The following HIVEP3 variants were observed in gnomAD, a reference collection of about 807,000 sequenced individuals.
HIVEP3 encodes transcription factor HIVEP3.
Under a neutral mutation model 152.8 loss-of-function variants are expected in HIVEP3, and 49 were observed. The observed-to-expected ratio is 0.32, with a 90% CI of 0.26 to 0.41. The LOEUF (loss-of-function observed/expected upper bound fraction) is 0.41. Ranked by LOEUF, HIVEP3 falls within the 10% of genes least tolerant of loss-of-function variation. HIVEP3 has a pLI of 1.00. For missense variants in HIVEP3, 2,790 were observed against 3,103.3 expected, an observed-to-expected ratio of 0.90 and a Z score of 2.40; for synonymous variants, 1,269 against 1,289.0, an observed-to-expected ratio of 0.98 and a Z score of 0.33.
intron 1 of HIVEP3, among the ~76,000 whole-genome samples, chr1:41,721,193 T>C (rs943861113): frequency 2.7e-5 from 4 of 150,332 alleles, no homozygotes; most frequent in African/African-American, 2.5e-5. Context: ...ATGTGAAACA[T>C]TCTTACTGCA....
At chr1:41,939,488 T>G (rs1645035500) in intron 1 of HIVEP3, among the ~76,000 whole-genome samples, 1 of 152,192 alleles carries the variant, frequency 6.6e-6, no homozygotes, top group African/African-American at 2.4e-5. Flanking sequence ...TTCTTTTTAT[T>G]TTTCCTTCTC....
At chr1:41,909,117 T>C (rs1010634017) in intron 1 of HIVEP3, among the ~76,000 whole-genome samples, 11 of 152,176 alleles carry the variant, frequency 7.2e-5, no homozygotes, top group African/African-American at 1.2e-4. Flanking sequence ...GACAGTTGAA[T>C]AATATCTTCA....
intron 1 of HIVEP3, among the ~76,000 whole-genome samples, chr1:41,732,355 T>C (rs1205115837): frequency 1.3e-5 from 2 of 151,940 alleles, no homozygotes; most frequent in African/African-American, 2.4e-5. Context: ...CGCTGGGAAA[T>C]GATGGAGCCA....
At chr1:41,722,429 C>CTTCCTTCCTTCCTTCCTTCCTTCA (rs1553253040) in intron 1 of HIVEP3, among the ~76,000 whole-genome samples, 1,604 of 147,300 alleles carry the variant, frequency 0.011, 18 homozygotes, top group Non-Finnish European at 0.014. Flanking sequence ...TCCTTCCTTC[C>CTTCCTTCCTTCCTTCCTTCCTTCA]TTCCTTCCTT....
In HIVEP3 at chr1:41,581,364, A is replaced by G. The variant is rs1445501509; in HGVS notation, c.3434T>C (p.Leu1145Pro). The G allele has an allele frequency of 6.2e-7, 1 of 1,613,130 alleles. No homozygotes were observed. Among genetic ancestry groups the G allele is most frequent in the Admixed American group, 1.7e-5 (1 of 59,866 alleles). The stretch of plus-strand genomic sequence containing the variant: ...CTGCACGAGATGCTGGAAGGAGAAA[A>G]GGGAGACTGGTGGGGGCAGGTATGG... Reference protein sequence around the residue: ...EKPYLPPPVSLFSFQHLVQHE... With the variant: ...EKPYLPPPVSPFSFQHLVQHE... The change falls in exon 4 of 9, where the codon CTT (leucine) becomes CCT (proline). Residue 1145 changes from leucine to proline, a missense_variant. This residue lies in a region of HIVEP3 where 1,078 missense variants were observed against 1,165.3 expected (regional missense o/e 0.93). Transcript: ENST00000372583. This position sits in a 1 kb window ranked among gnomAD's most constrained non-coding sequence, Gnocchi z 4.5.
At chr1:41,851,468 A>G (rs1267328641) in intron 1 of HIVEP3, among the ~76,000 whole-genome samples, 1 of 151,780 alleles carries the variant, frequency 6.6e-6, no homozygotes, top group Non-Finnish European at 1.5e-5. Context: ...ACACCTGGCT[A>G]ATTTTTGTAT....
chr1:41,642,117 C>T (rs1314411076), intron 2 of HIVEP3, among the ~76,000 whole-genome samples: 1 of 152,198 alleles, frequency 6.6e-6, no homozygotes, highest in African/African-American at 2.4e-5. Context: ...GACCCTACTG[C>T]CCATCCTCTC....
chr1:41,606,829 A>C (rs1644829130), intron 3 of HIVEP3, among the ~76,000 whole-genome samples: 1 of 150,174 alleles, frequency 6.7e-6, no homozygotes, highest in Non-Finnish European at 1.5e-5. Flanking sequence ...CTGGTGAGAA[A>C]TTCTGAGGTA....
intron 1 of HIVEP3, among the ~76,000 whole-genome samples, chr1:41,973,721 G>A (rs1165692567): frequency 6.6e-6 from 1 of 152,206 alleles, no homozygotes; most frequent in African/African-American, 2.4e-5. Flanking sequence ...AGGTCACTGG[G>A]GACCCAATGG....
chr1:41,736,295 C>T (rs1334830428), intron 1 of HIVEP3, among the ~76,000 whole-genome samples: 1 of 152,166 alleles, frequency 6.6e-6, no homozygotes, highest in Admixed American at 6.5e-5. Flanking sequence ...TCTCTCCCTC[C>T]TGCAGAGCCT....
chr1:41,804,392 C>T (rs546609491), intron 1 of HIVEP3, among the ~76,000 whole-genome samples: 1 of 152,346 alleles, frequency 6.6e-6, no homozygotes, highest in East Asian at 1.9e-4. Flanking sequence ...TGCAGGCACA[C>T]GGGCTTGTTT....
rs945418096 is a variant in HIVEP3, at chr1:41,918,198, G to T, written c.-801+215C>A. 2.4e-5 allele frequency among the ~76,000 whole-genome samples: 3 copies of T among 124,278 alleles called. No individual in the cohort carries two copies. Among genetic ancestry groups the T allele is most frequent in the Non-Finnish European group, 3.9e-5 (2 of 50,842 alleles). The allele number at this position is 124,278 out of a possible 152,430, so 81.5% of individuals were successfully genotyped here. A position where few individuals can be genotyped will look rare whatever the true frequency, so the allele number is the denominator to read the frequency against. On this transcript the variant is annotated intron_variant, in intron 1 of 8. Transcript: ENST00000372583. This position sits in a 1 kb window ranked among gnomAD's most constrained non-coding sequence, Gnocchi z 4.3. ...TCCCCAGCACCAGGCCGAGCAGCGCGCTCAGCCCACCGGGGGCACTGGCCG... is the reference window on the plus strand; with the variant it reads ...TCCCCAGCACCAGGCCGAGCAGCGCTCTCAGCCCACCGGGGGCACTGGCCG...
chr1:41,622,329 CAGAA>C (rs1224490484), intron 3 of HIVEP3, among the ~76,000 whole-genome samples: 1 of 151,960 alleles, frequency 6.6e-6, no homozygotes, highest in African/African-American at 2.4e-5. Context: ...AAGGAAAACT[CAGAA>C]AGAGGGAGCA....
chr1:41,978,335 G>T (rs1645272716), intron 1 of HIVEP3, among the ~76,000 whole-genome samples: 1 of 152,116 alleles, frequency 6.6e-6, no homozygotes, highest in African/African-American at 2.4e-5. Context: ...GCCCCGATAT[G>T]ACTGTCTTTG....
At chr1:42,015,157 A>T (rs1353527806) in intron 1 of HIVEP3, among the ~76,000 whole-genome samples, 2 of 152,226 alleles carry the variant, frequency 1.3e-5, no homozygotes, top group Non-Finnish European at 2.9e-5. Context: ...AAAGCAAAGA[A>T]ATAAAATCAG....
intron 5 of HIVEP3, among the ~76,000 whole-genome samples, chr1:41,568,303 C>A (rs902621288): frequency 6.6e-6 from 1 of 152,200 alleles, no homozygotes. Context: ...AGTGAGGGGG[C>A]CATGAGAGTC....
intron 1 of HIVEP3, chr1:41,848,367 C>T (rs35134694): frequency 0.12 from 18,340 of 152,262 alleles, 1,430 homozygotes; most frequent in South Asian, 0.24. Context: ...TGAGAAAGAC[C>T]TCGCTGTGCT....
chr1:42,022,531 T>C (rs975424685), intron 1 of HIVEP3, among the ~76,000 whole-genome samples: 12 of 152,232 alleles, frequency 7.9e-5, no homozygotes, highest in African/African-American at 2.9e-4. Context: ...TATTTTTTCA[T>C]ATTTGTCACA....
At chr1:41,880,432 G>C (rs1644243279) in intron 1 of HIVEP3, among the ~76,000 whole-genome samples, 1 of 152,180 alleles carries the variant, frequency 6.6e-6, no homozygotes. Flanking sequence ...AATGTGGTCA[G>C]CATGACAACA....
Sources: gnomAD v4.1 joint callset for allele counts (sites outside exome capture counted in the v4.1 genomes callset) on GRCh38, gnomAD v4.1.1 for gene constraint, gnomAD v4.1.1 regional missense constraint, Gnocchi (gnomAD v3.1) non-coding constraint, MANE v1.5 for transcripts, NCBI Gene and HGNC (gene_info 2026-07-23, HGNC 2026-07-21) for gene names.